Variants in PRELID2 observed in about 807,000 individuals in gnomAD.
The protein encoded by PRELID2 is PRELI domain containing 2, also known as PRELI domain-containing protein 2.
Under a neutral mutation model 28.4 loss-of-function variants are expected in PRELID2, and 25 were observed. The observed-to-expected ratio is 0.88, with a 90% CI of 0.64 to 1.23. The LOEUF is 1.23. PRELID2 is among the 50% of genes most tolerant of loss of function. The pLI is 0.00. For missense variants in PRELID2, 201 were observed against 214.4 expected (o/e 0.94, Z 0.39); for synonymous variants, 76 against 71.6 (o/e 1.06, Z -0.31).
chr5:145,428,483 CAACA>C, the PRELID2 span, among the ~76,000 whole-genome samples: 1 of 151,816 alleles, frequency 6.6e-6, no homozygotes. Flanking sequence ...AAGAATCAGA[CAACA>C]AACAAACAAC....
the PRELID2 span, among the ~76,000 whole-genome samples, chr5:145,338,970 A>G: frequency 6.6e-6 from 1 of 152,216 alleles, no homozygotes; most frequent in African/African-American, 2.4e-5. Context: ...ATAATTATCT[A>G]CATTTTTCAA....
chr5:145,650,032 A>G (rs1001868618), intron 1 of PRELID2, among the ~76,000 whole-genome samples: 3 of 152,190 alleles, frequency 2.0e-5, no homozygotes, highest in Admixed American at 2.0e-4. Context: ...TCTTCCTGCA[A>G]TGTTTCAAAT....
At chr5:145,783,174 A>G (rs1489382382) in intron 5 of PRELID2, among the ~76,000 whole-genome samples, 1 of 152,222 alleles carries the variant, frequency 6.6e-6, no homozygotes, top group Non-Finnish European at 1.5e-5. Context: ...ATAGAAGGCA[A>G]CGTCCCAGAA....
chr5:145,287,431 A>G, the PRELID2 span, among the ~76,000 whole-genome samples: 1 of 152,164 alleles, frequency 6.6e-6, no homozygotes, highest in Non-Finnish European at 1.5e-5. Flanking sequence ...GTAGCTACTA[A>G]GTGACTAACA....
At chr5:145,551,600 A>T (rs1752834606) in intron 1 of PRELID2, among the ~76,000 whole-genome samples, 1 of 152,288 alleles carries the variant, frequency 6.6e-6, no homozygotes, top group Admixed American at 6.5e-5. Context: ...GATTGTCATG[A>T]TCATTCTATT....
chr5:145,262,059 G>T, the PRELID2 span, among the ~76,000 whole-genome samples: 1 of 152,158 alleles, frequency 6.6e-6, no homozygotes, highest in South Asian at 2.1e-4. Context: ...GCACTGGAAA[G>T]TCTCAGCAAT....
chr5:145,431,006 GTTTTTTTTTTTTT>G, the PRELID2 span, among the ~76,000 whole-genome samples: 114 of 55,558 alleles, frequency 2.1e-3, 3 homozygotes, highest in African/African-American at 6.6e-3. Flanking sequence ...CCTGGCAATG[GTTTTTTTTTTTTT>G]TTTTTTTTTT....
chr5:145,534,858 C>A (rs952374747), intron 1 of PRELID2, among the ~76,000 whole-genome samples: 1 of 151,912 alleles, frequency 6.6e-6, no homozygotes, highest in Non-Finnish European at 1.5e-5. Context: ...GTAACTAGAG[C>A]CAGCTCATTG....
chr5:145,280,237 C>T, the PRELID2 span, among the ~76,000 whole-genome samples: 4 of 152,198 alleles, frequency 2.6e-5, no homozygotes, highest in East Asian at 7.7e-4. Flanking sequence ...GTTATAAAAA[C>T]CTCACACATT....
At chr5:145,409,749 TG>T in the PRELID2 span, among the ~76,000 whole-genome samples, 1 of 104,932 alleles carries the variant, frequency 9.5e-6, no homozygotes, top group African/African-American at 4.0e-5. Flanking sequence ...CCATCTCTAC[TG>T]AAAAAAAAAA....
At chr5:145,354,290 T>A in the PRELID2 span, among the ~76,000 whole-genome samples, 1 of 152,190 alleles carries the variant, frequency 6.6e-6, no homozygotes, top group Non-Finnish European at 1.5e-5. Context: ...TTTCTCATAA[T>A]ATGAACCATA....
chr5:145,651,924 G>C (rs967532181), intron 1 of PRELID2, among the ~76,000 whole-genome samples: 1 of 152,224 alleles, frequency 6.6e-6, no homozygotes, highest in African/African-American at 2.4e-5. Context: ...GACAAGTTGA[G>C]AGATAAAGGC....
chr5:145,374,282 CT>C, the PRELID2 span, among the ~76,000 whole-genome samples: 1 of 151,962 alleles, frequency 6.6e-6, no homozygotes, highest in African/African-American at 2.4e-5. Flanking sequence ...GTTGACAATT[CT>C]TTTTTAAGAA....
At chr5:145,702,318 C>A (rs1289255579) in intron 1 of PRELID2, among the ~76,000 whole-genome samples, 1 of 152,114 alleles carries the variant, frequency 6.6e-6, no homozygotes, top group African/African-American at 2.4e-5. Context: ...CACTCCTTGT[C>A]TCATCTGTGT....
At chr5:145,313,080 G>A in the PRELID2 span, among the ~76,000 whole-genome samples, 3 of 151,990 alleles carry the variant, frequency 2.0e-5, no homozygotes, top group South Asian at 4.1e-4. Flanking sequence ...TGAATCTTTA[G>A]CAATTCTGCA....
At chr5:145,644,371 T>C (rs189036515) in intron 1 of PRELID2, among the ~76,000 whole-genome samples, 2 of 152,316 alleles carry the variant, frequency 1.3e-5, no homozygotes, top group Admixed American at 1.3e-4. Flanking sequence ...CCCTTTATCA[T>C]TTTTTATTGC....
At chr5:145,716,304 A>G (rs1440760944) in intron 1 of PRELID2, among the ~76,000 whole-genome samples, 1 of 152,196 alleles carries the variant, frequency 6.6e-6, no homozygotes, top group East Asian at 1.9e-4. Flanking sequence ...CAGTCGATGA[A>G]TAACCAAGGA....
chr5:145,587,528 A>G (rs1179916541), intron 1 of PRELID2, among the ~76,000 whole-genome samples: 4 of 152,280 alleles, frequency 2.6e-5, no homozygotes, highest in South Asian at 2.1e-4. Flanking sequence ...AGGAGATACT[A>G]AAATATATCT....
chr5:145,559,967 G>A (rs2126691500), intron 1 of PRELID2, among the ~76,000 whole-genome samples: 1 of 152,152 alleles, frequency 6.6e-6, no homozygotes, highest in South Asian at 2.1e-4. Context: ...CCCATTATAA[G>A]ATGCATTTAA....
Sources: gnomAD v4.1 joint callset for allele counts (sites outside exome capture counted in the v4.1 genomes callset) on GRCh38, gnomAD v4.1.1 for gene constraint, MANE v1.5 for transcripts, NCBI Gene and HGNC (gene_info 2026-07-23, HGNC 2026-07-21) for gene names.